The following FCRL2 variants were observed in gnomAD, a reference collection of about 807,000 sequenced individuals.
The protein encoded by FCRL2 is Fc receptor like 2.
FCRL2 carries 48 observed loss-of-function variants against 59.8 expected under a neutral mutation model. The observed-to-expected ratio is 0.80, with a 90% CI of 0.64 to 1.02. The LOEUF (loss-of-function observed/expected upper bound fraction) is 1.02. Ranked by LOEUF, FCRL2 falls within the 50% of genes least tolerant of loss-of-function variation. The pLI is 0.00. For synonymous variants in FCRL2, 251 were observed against 229.5 expected, an observed-to-expected ratio of 1.09 and a Z score of -0.85; for missense variants, 658 against 597.3, an observed-to-expected ratio of 1.10 and a Z score of -1.06.
chr1:157,756,569 C>T (rs1431126986), intron 7 of FCRL2, among the ~76,000 whole-genome samples: 1 of 151,682 alleles, frequency 6.6e-6, no homozygotes, highest in Non-Finnish European at 1.5e-5. Context: ...GTCCCATCTA[C>T]TTGGGAAATT....
rs922667202 is a variant in FCRL2 at position 157,768,079 on chromosome 1, A to G, written c.883+335T>C. ...CTCTAATCACTTTGAAGGAGATGAC[A>G]TAAAATGAAGCAGGCTGTTACCACT... is the stretch of plus-strand genomic sequence containing the variant. On this transcript the variant is annotated intron_variant, in intron 5 of 11. Coordinates refer to ENST00000361516, the MANE Select transcript of FCRL2 (RefSeq NM_030764.4). 5.5e-5 allele frequency: 14 copies of G among 253,822 alleles called. No individual in the cohort carries two copies. The East Asian group carries it at 1.2e-3, about 21-fold the overall frequency. 15.7% of individuals were successfully genotyped at this position (253,822 alleles called of 1,614,324 possible).
At chr1:157,755,355 C>A (rs957010005) in intron 7 of FCRL2, among the ~76,000 whole-genome samples, 1 of 152,060 alleles carries the variant, frequency 6.6e-6, no homozygotes, top group South Asian at 2.1e-4. Flanking sequence ...GCAAAAAAAT[C>A]AAAACTTACA....
At chr1:157,749,850 T>C (rs1037006474) in intron 7 of FCRL2, among the ~76,000 whole-genome samples, 173 bp from the exon 8 acceptor site, 10 of 152,228 alleles carry the variant, frequency 6.6e-5, no homozygotes, top group Non-Finnish European at 1.5e-4. Context: ...TAGTTGTTAG[T>C]AAAATAATTC....
chr1:157,749,864 CT>C (rs900524886), intron 7 of FCRL2, among the ~76,000 whole-genome samples, 187 bp from the exon 8 acceptor site: 1 of 152,102 alleles, frequency 6.6e-6, no homozygotes, highest in Non-Finnish European at 1.5e-5. Context: ...ATAATTCATT[CT>C]TTTTTTCCCA....
intron 7 of FCRL2, among the ~76,000 whole-genome samples, chr1:157,752,737 T>G (rs1648288418): frequency 6.6e-6 from 1 of 152,190 alleles, no homozygotes; most frequent in Admixed American, 6.5e-5. Context: ...GGTGAAAGCC[T>G]ATATAAGTAA....
chr1:157,774,961 A>G (rs543131271), intron 2 of FCRL2, among the ~76,000 whole-genome samples: 2 of 152,202 alleles, frequency 1.3e-5, no homozygotes, highest in Non-Finnish European at 2.9e-5. Flanking sequence ...TGTATATAGA[A>G]TAAAATATTT....
chr1:157,775,947 C>T, intron 1 of FCRL2, 152 bp from the exon 2 acceptor site: 1 of 844,786 alleles, frequency 1.2e-6, no homozygotes, highest in East Asian at 2.7e-5. Context: ...AATTCAATCT[C>T]CCTCGAGCAC....
Position 157,770,627 on chromosome 1 carries a change from C to T in FCRL2, c.92G>A (p.Gly31Glu), listed in dbSNP as rs375240841. The T allele has an allele frequency of 2.5e-6, 4 of 1,614,002 alleles. No individual in the cohort carries two copies. The highest frequency in any genetic ancestry group is 3.4e-6 in the Non-Finnish European group (4 of 1,180,010). ...CTGGCATTTCAGAACGATGCTGTCT[C>T]CTTCGAAGACAGAAGAGGGCGCCAC... Reference protein sequence around the residue: ...TLVAPSSVFEGDSIVLKCQGE... With the variant: ...TLVAPSSVFEEDSIVLKCQGE... The change falls in exon 3 of 12, where the codon GGA (glycine) becomes GAA (glutamate). Residue 31 changes from glycine (G) to glutamate (E), a missense_variant. Coordinates refer to ENST00000361516, the MANE Select transcript of FCRL2 (RefSeq NM_030764.4).
intron 7 of FCRL2, among the ~76,000 whole-genome samples, chr1:157,763,709 A>G (rs1321569893): frequency 1.3e-5 from 2 of 152,020 alleles, no homozygotes; most frequent in African/African-American, 4.8e-5. Context: ...AGCAGTAGCT[A>G]TACTCATATC....
intron 7 of FCRL2, among the ~76,000 whole-genome samples, chr1:157,764,881 A>G (rs1471938348): frequency 6.6e-6 from 1 of 152,214 alleles, no homozygotes; most frequent in East Asian, 1.9e-4. Context: ...AAAGAATTCA[A>G]ATTAGCAATC....
In FCRL2 at chr1:157,775,784, C is replaced by T. The variant is rs752443608; in HGVS notation, c.43G>A (p.Glu15Lys). The T allele has an allele frequency of 1.2e-6, 2 of 1,613,954 alleles. No individual in the cohort carries two copies. Among genetic ancestry groups the T allele is most frequent in the East Asian group, 2.2e-5 (1 of 44,898 alleles). Residue 15 changes from glutamate (E) to lysine (K), a missense_variant, in exon 2 of 12, where the codon GAA becomes AAA. Transcript: ENST00000361516. ...SLLVIFDAVT[E>K]QADSLTLVAP... ...GACAAGGAGGACTCACCTGCCTGTT[C>T]AGTGACTGCATCTGTGAGGAGATCA...
At chr1:157,764,229 T>C (rs6687313) in intron 7 of FCRL2, among the ~76,000 whole-genome samples, 4,732 of 149,250 alleles carry the variant, frequency 0.032, 234 homozygotes, top group African/African-American at 0.11. Context: ...AAATAAATAA[T>C]GGTGAAAAAA....
chr1:157,746,205 T>C lies in FCRL2; in HGVS notation c.*531A>G, dbSNP rs1339466647. 6.5e-6 allele frequency: 1 copy of C among 153,380 alleles called. No individual in the cohort carries two copies. The highest frequency in any genetic ancestry group is 6.5e-5 in the Admixed American group (1 of 15,446). The allele number at this position is 153,380 out of a possible 1,614,324, so 9.5% of individuals were successfully genotyped here. A position where few individuals can be genotyped will look rare whatever the true frequency, so the allele number is the denominator to read the frequency against. On this transcript the variant is annotated 3_prime_UTR_variant, in exon 12 of 12. Coordinates refer to ENST00000361516, the MANE Select transcript of FCRL2 (RefSeq NM_030764.4). ...ATCCTGCTGAAACTATGCCAAAAAA[T>C]CAAGGAGGAAGGGCTCCTGCCTAAC... is the stretch of plus-strand genomic sequence containing the variant.
At chr1:157,747,099 A>C (rs1047225078) in intron 10 of FCRL2, among the ~76,000 whole-genome samples, 200 bp from the exon 11 acceptor site, 1 of 152,208 alleles carries the variant, frequency 6.6e-6, no homozygotes, top group African/African-American at 2.4e-5. Flanking sequence ...CTCCACCAGC[A>C]CTTACTAACA....
chr1:157,746,639 C>G lies in FCRL2; in HGVS notation c.*97G>C. On this transcript the variant is annotated 3_prime_UTR_variant, in exon 12 of 12. Transcript: ENST00000361516. ...CTCCTGAGGCACGTTCTGGCTGTGG[C>G]AGGTGATAAGCCTCAAGCATTTTCA... 1 of 1,246,602 alleles carries G rather than the reference C, an allele frequency of 8.0e-7. No individual in the cohort carries two copies. Among genetic ancestry groups the G allele is most frequent in the Non-Finnish European group, 1.2e-6 (1 of 859,732 alleles). The allele number at this position is 1,246,602 out of a possible 1,614,324, so 77.2% of individuals were successfully genotyped here. A position where few individuals can be genotyped will look rare whatever the true frequency, so the allele number is the denominator to read the frequency against.
chr1:157,767,258 T>G lies in FCRL2; in HGVS notation c.1135A>C (p.Ser379Arg), dbSNP rs1489110178. 6.2e-7 allele frequency: 1 copy of G among 1,613,936 alleles called. No individual in the cohort carries two copies. The highest frequency in any genetic ancestry group is 1.1e-5 in the South Asian group (1 of 91,050). Residue 379 changes from serine to arginine, a missense_variant, in exon 6 of 12, where the codon AGT becomes CGT. Coordinates refer to ENST00000361516, the MANE Select transcript of FCRL2 (RefSeq NM_030764.4). ...GAGATGGAGACTGGCACTGCCTCAC[T>G]GCACTGGGCCCCCAGGCCGTTGTTG... ...EANNGLGAQC[S>R]EAVPVSISGP...
chr1:157,771,035 C>T (rs531479546), intron 2 of FCRL2, among the ~76,000 whole-genome samples: 10 of 152,328 alleles, frequency 6.6e-5, no homozygotes, highest in African/African-American at 2.4e-4. Context: ...AATCAGCTAA[C>T]TCTCTGGCCT....
intron 7 of FCRL2, among the ~76,000 whole-genome samples, chr1:157,760,769 A>AGAAAT (rs1649028990): frequency 7.0e-6 from 1 of 143,520 alleles, no homozygotes; most frequent in African/African-American, 2.8e-5. Context: ...AAAGAATGAA[A>AGAAAT]AAAGAAAGGA....
At chr1:157,770,251 G>T in intron 3 of FCRL2, 101 bp from the exon 4 acceptor site, 1 of 1,468,618 alleles carries the variant, frequency 6.8e-7, no homozygotes, top group Non-Finnish European at 9.3e-7. Flanking sequence ...GACATTCAGA[G>T]CTAGACACCT....
Sources: allele counts gnomAD v4.1 joint callset (sites outside exome capture counted in the v4.1 genomes callset), GRCh38; gene constraint gnomAD v4.1.1; transcripts MANE v1.5; gene names NCBI Gene and HGNC (gene_info 2026-07-23, HGNC 2026-07-21).